STIM2: variants seen among roughly 807,000 people sequenced by gnomAD.
STIM2 encodes the protein stromal interaction molecule 2.
A neutral mutation model predicts 85.8 loss-of-function variants in STIM2; 31 were observed. That is an observed-to-expected ratio of 0.36 (90% CI 0.27 to 0.49). STIM2 has a LOEUF of 0.49. Among genes scored for constraint, STIM2 ranks in the 20% least tolerant of loss-of-function variants. The probability of loss-of-function intolerance (pLI) is 0.98; values close to 1 mark genes in which losing one functional copy is unlikely to be tolerated. For missense variants in STIM2, 841 were observed against 927.6 expected (o/e 0.91, Z 1.21); for synonymous variants, 356 against 331.1 (o/e 1.08, Z -0.82).
intron 2 of STIM2, among the ~76,000 whole-genome samples, chr4:26,929,795 C>T (rs1725136101): frequency 1.3e-5 from 2 of 151,714 alleles, no homozygotes; most frequent in African/African-American, 4.8e-5. Context: ...AAATCTGTGC[C>T]TTTAAGTGAA....
chr4:26,978,021 C>G (rs1236044811), intron 3 of STIM2, among the ~76,000 whole-genome samples: 1 of 152,014 alleles, frequency 6.6e-6, no homozygotes, highest in Non-Finnish European at 1.5e-5. Flanking sequence ...ATTGGATTGG[C>G]AAAGTCGAAG....
intron 1 of STIM2, among the ~76,000 whole-genome samples, chr4:26,915,713 G>A (rs1724551180): frequency 1.3e-5 from 2 of 152,140 alleles, no homozygotes; most frequent in South Asian, 4.1e-4. Context: ...TTCCCTCAGC[G>A]CAAAGTGCTG....
At chr4:27,001,759 C>G (rs1392344954) in intron 5 of STIM2, among the ~76,000 whole-genome samples, 1 of 152,170 alleles carries the variant, frequency 6.6e-6, no homozygotes, top group East Asian at 1.9e-4. Flanking sequence ...TAGCTGCCTC[C>G]TTGGGGAAAA....
chr4:27,008,287 G>T, intron 8 of STIM2, 141 bp from the exon 9 acceptor site: 1 of 529,528 alleles, frequency 1.9e-6, no homozygotes, highest in South Asian at 3.6e-5. Flanking sequence ...TGGAATGCAG[G>T]GATATCTTGG....
intron 1 of STIM2, among the ~76,000 whole-genome samples, chr4:26,865,089 T>C (rs4692129): frequency 0.84 from 128,155 of 152,122 alleles, 54,243 homozygotes; most frequent in Middle Eastern, 0.98. Flanking sequence ...TATGACGTTG[T>C]TCTTTCTGAA....
chr4:26,912,114 T>C (rs1361552754), intron 1 of STIM2, among the ~76,000 whole-genome samples: 2 of 152,254 alleles, frequency 1.3e-5, no homozygotes, highest in African/African-American at 4.8e-5. Flanking sequence ...TTTGATTCGG[T>C]AAATGCTTGA....
intron 3 of STIM2, among the ~76,000 whole-genome samples, chr4:26,961,137 T>TG (rs1726440345): frequency 6.6e-6 from 1 of 152,000 alleles, no homozygotes; most frequent in Non-Finnish European, 1.5e-5. Context: ...GAAGGATGGA[T>TG]GGGGGGTTCT....
chr4:27,006,734 G>A (rs1728372766), intron 7 of STIM2, among the ~76,000 whole-genome samples: 1 of 152,092 alleles, frequency 6.6e-6, no homozygotes, highest in African/African-American at 2.4e-5. Context: ...CTCCATTAAA[G>A]GGCAGGTGGA....
intron 3 of STIM2, among the ~76,000 whole-genome samples, chr4:26,991,273 A>G (rs1266715083): frequency 1.3e-5 from 2 of 152,122 alleles, no homozygotes; most frequent in Non-Finnish European, 2.9e-5. Flanking sequence ...AAATCCCGTT[A>G]TTTACAGCAA....
intron 1 of STIM2, among the ~76,000 whole-genome samples, chr4:26,891,018 G>A (rs1723457025): frequency 6.6e-6 from 1 of 152,180 alleles, no homozygotes; most frequent in South Asian, 2.1e-4. Flanking sequence ...TGGCACAGCA[G>A]CTTACAATGG....
At chr4:26,921,904 C>T (rs1418486540) in intron 2 of STIM2, among the ~76,000 whole-genome samples, 2 of 152,126 alleles carry the variant, frequency 1.3e-5, no homozygotes, top group Admixed American at 6.5e-5. Context: ...TAAAATCATT[C>T]GATTAGAGCT....
chr4:27,019,458 T>A, intron 11 of STIM2: 1 of 1,289,846 alleles, frequency 7.8e-7, no homozygotes, highest in Non-Finnish European at 1.0e-6. Context: ...GTGTGGTTTC[T>A]GGAAATCAGA....
intron 1 of STIM2, among the ~76,000 whole-genome samples, chr4:26,886,829 A>G (rs1176923942): frequency 6.6e-6 from 1 of 152,166 alleles, no homozygotes; most frequent in African/African-American, 2.4e-5. Context: ...GGAAATGATC[A>G]CTTCAGCTCT....
At chr4:27,001,353 T>C (rs1728146196) in intron 5 of STIM2, among the ~76,000 whole-genome samples, 1 of 152,202 alleles carries the variant, frequency 6.6e-6, no homozygotes, top group Admixed American at 6.5e-5. Flanking sequence ...TTTGTATCAC[T>C]GAAGGCAGTA....
At chr4:26,880,468 A>G (rs1722962493) in intron 1 of STIM2, among the ~76,000 whole-genome samples, 1 of 151,878 alleles carries the variant, frequency 6.6e-6, no homozygotes, top group Non-Finnish European at 1.5e-5. Flanking sequence ...ACTTATCCAC[A>G]GAAATATAAG....
chr4:26,968,988 T>A (rs750120618), intron 3 of STIM2, among the ~76,000 whole-genome samples: 5 of 152,238 alleles, frequency 3.3e-5, no homozygotes, highest in African/African-American at 4.8e-5. Flanking sequence ...TTGTTTTATG[T>A]CAGCCTTATT....
At chr4:26,906,836 G>A (rs1440130515) in intron 1 of STIM2, among the ~76,000 whole-genome samples, 3 of 152,054 alleles carry the variant, frequency 2.0e-5, no homozygotes, top group Non-Finnish European at 1.5e-5. Context: ...GCATGGTGGT[G>A]GGCACCTGTA....
chr4:26,882,263 A>C (rs749356626), intron 1 of STIM2, among the ~76,000 whole-genome samples: 3 of 152,128 alleles, frequency 2.0e-5, no homozygotes, highest in Non-Finnish European at 4.4e-5. Context: ...AAAAGGGTTG[A>C]GCTTTCTATT....
In STIM2 at chr4:27,022,658, TC is replaced by T; in HGVS notation, c.1905del (p.Ser636ProfsTer7). The T allele has an allele frequency of 6.2e-7, 1 of 1,614,190 alleles. No homozygotes were observed. Among genetic ancestry groups the T allele is most frequent in the South Asian group, 1.1e-5 (1 of 91,072 alleles). On this transcript the variant is annotated frameshift_variant, in exon 12 of 12. Transcript: ENST00000467087. LOFTEE classifies it high-confidence loss of function. ...AAGAGATGAGGTGTCCCTAGAGGAT[TC>T]CTCCCGAGGGGATTCGCCTGTAACT...
Sources: allele counts gnomAD v4.1 joint callset (sites outside exome capture counted in the v4.1 genomes callset), GRCh38; gene constraint gnomAD v4.1.1; transcripts MANE v1.5; gene names NCBI Gene and HGNC (gene_info 2026-07-23, HGNC 2026-07-21).